The following CPAP variants were observed in gnomAD, a reference collection of about 807,000 sequenced individuals.
CPAP encodes the protein centrosome assembly and centriole elongation protein.
the CPAP span, among the ~76,000 whole-genome samples, chr13:24,920,775 C>A: frequency 7.0e-6 from 1 of 142,574 alleles, no homozygotes; most frequent in East Asian, 2.1e-4. Context: ...CATGCACCAC[C>A]ATACCTGGCT....
chr13:24,903,979 G>A, the CPAP span: 48 of 1,613,878 alleles, frequency 3.0e-5, no homozygotes, highest in Admixed American at 5.3e-4. Context: ...CTAAAGATGC[G>A]TTCTCAGCTT....
At chr13:24,884,295 A>G in the CPAP span, 362 of 1,614,054 alleles carry the variant, frequency 2.2e-4, no homozygotes, top group African/African-American at 3.9e-3. Flanking sequence ...TGGTTAAACT[A>G]TGGAGGAGAA....
At chr13:24,906,390 C>G in the CPAP span, 3 of 1,612,780 alleles carry the variant, frequency 1.9e-6, no homozygotes, top group Non-Finnish European at 2.5e-6. Flanking sequence ...AGAGAAGATT[C>G]AGACTCTTTC....
At chr13:24,893,791 G>T in the CPAP span, among the ~76,000 whole-genome samples, 3 of 152,292 alleles carry the variant, frequency 2.0e-5, no homozygotes, top group South Asian at 6.2e-4. Flanking sequence ...AGTCTAAATG[G>T]GTTCAGAATT....
At chr13:24,885,092 G>T in the CPAP span, among the ~76,000 whole-genome samples, 165 of 152,316 alleles carry the variant, frequency 1.1e-3, no homozygotes, top group African/African-American at 3.8e-3. Context: ...GATTACAAAG[G>T]CTTTGGAGTA....
At chr13:24,885,394 C>G in the CPAP span, 1 of 1,584,616 alleles carries the variant, frequency 6.3e-7, no homozygotes, top group Non-Finnish European at 8.7e-7. Flanking sequence ...AGCCTGTAAG[C>G]ACAACACATT....
At chr13:24,926,383 A>G in the CPAP span, among the ~76,000 whole-genome samples, 878 of 152,296 alleles carry the variant, frequency 5.8e-3, 10 homozygotes, top group African/African-American at 0.02. Flanking sequence ...GTTGTTTTCA[A>G]TAACCCATGG....
At chr13:24,918,604 GAAAAT>G in the CPAP span, among the ~76,000 whole-genome samples, 2,564 of 152,122 alleles carry the variant, frequency 0.017, 75 homozygotes, top group African/African-American at 0.059. Flanking sequence ...GAAAAGTTAA[GAAAAT>G]AATAAAAAAT....
the CPAP span, chr13:24,905,702 TCAGA>T: frequency 1.2e-6 from 2 of 1,614,218 alleles, no homozygotes; most frequent in Admixed American, 1.7e-5. Flanking sequence ...TCTCGAGGGC[TCAGA>T]CACTTTATGT....
At chr13:24,899,861 T>G in the CPAP span, among the ~76,000 whole-genome samples, 2 of 151,638 alleles carry the variant, frequency 1.3e-5, no homozygotes, top group Non-Finnish European at 2.9e-5. Flanking sequence ...ATCCCAACAC[T>G]GGGAGGCTGA....
chr13:24,883,497 A>G, the CPAP span: 1 of 685,118 alleles, frequency 1.5e-6, no homozygotes, highest in Admixed American at 2.8e-5. Context: ...GGTTATCCCT[A>G]TACAATTGTA....
the CPAP span, chr13:24,905,882 T>A: frequency 1.2e-6 from 2 of 1,614,168 alleles, no homozygotes; most frequent in Non-Finnish European, 1.7e-6. Flanking sequence ...CTCTCTATCC[T>A]CAGTCGATGG....
chr13:24,906,281 T>G, the CPAP span: 1 of 1,602,350 alleles, frequency 6.2e-7, no homozygotes. Flanking sequence ...TGATATTTCA[T>G]CAGCAGCTTG....
chr13:24,883,870 TATC>T, the CPAP span: 5 of 1,432,450 alleles, frequency 3.5e-6, no homozygotes, highest in East Asian at 2.3e-5. Flanking sequence ...GGGTGTCACA[TATC>T]ATCAGAAACG....
chr13:24,907,072 G>A, the CPAP span: 1 of 1,609,286 alleles, frequency 6.2e-7, no homozygotes, highest in Non-Finnish European at 8.5e-7. Context: ...GATTTAATCA[G>A]AAGAGCACAA....
chr13:24,915,208 T>C, the CPAP span, among the ~76,000 whole-genome samples: 10 of 152,340 alleles, frequency 6.6e-5, no homozygotes, highest in South Asian at 2.1e-3. Flanking sequence ...ATCTTCTCCC[T>C]CATTTCTTAA....
At chr13:24,914,056 G>T in the CPAP span, among the ~76,000 whole-genome samples, 7 of 151,690 alleles carry the variant, frequency 4.6e-5, no homozygotes, top group African/African-American at 1.5e-4. Context: ...ACACACACAC[G>T]CACACACACA....
the CPAP span, among the ~76,000 whole-genome samples, chr13:24,914,795 C>T: frequency 2.0e-5 from 3 of 151,868 alleles, no homozygotes; most frequent in African/African-American, 4.8e-5. Context: ...ATAAATAAGT[C>T]GGGTGTGGTA....
chr13:24,883,338 CATT>C, the CPAP span: 1 of 1,612,858 alleles, frequency 6.2e-7, no homozygotes, highest in Non-Finnish European at 8.5e-7. Flanking sequence ...TCTCTTTGGC[CATT>C]ATTAAACTCT....
Sources: allele counts gnomAD v4.1 joint callset (sites outside exome capture counted in the v4.1 genomes callset), GRCh38; gene constraint gnomAD v4.1.1; transcripts MANE v1.5; gene names NCBI Gene and HGNC (gene_info 2026-07-23, HGNC 2026-07-21).